Variants in FANCI observed in about 807,000 individuals in gnomAD.
FANCI encodes the protein Fanconi anemia group I protein.
In FANCI, 156 loss-of-function variants were observed where a neutral mutation model predicts 176.1. The ratio of observed to expected loss-of-function variants is 0.89; its 90% CI spans 0.78 to 1.01. FANCI has a LOEUF of 1.01. Ranked by LOEUF, FANCI falls within the 50% of genes least tolerant of loss-of-function variation. The pLI, the probability that FANCI is intolerant of heterozygous loss-of-function variation, is 0.00. For synonymous variants in FANCI, 613 were observed against 541.7 expected (o/e 1.13, Z -1.83); for missense variants, 1,678 against 1,534.1 (o/e 1.09, Z -1.57).
intron 23 of FANCI, 104 bp from the exon 24 acceptor site, chr15:89,294,811 G>C: frequency 1.6e-6 from 2 of 1,237,738 alleles, no homozygotes; most frequent in Middle Eastern, 5.2e-4. Flanking sequence ...GGCAAGCTCT[G>C]TTGGGTGCTG....
At position 89,247,560 on chromosome 15, in the gene FANCI, G is replaced by T. The variant is rs1403979056; in HGVS notation, c.-19-69G>T. On this transcript the variant is annotated intron_variant, in intron 1 of 37. Coordinates refer to ENST00000310775, the MANE Select transcript of FANCI (RefSeq NM_001113378.2). ...TAGGTATGAAATATTCAGTTAACAG[G>T]GAAGGAAAACAAATCAAGTTTGTTT... 48 of 1,091,696 alleles carry T rather than the reference G, an allele frequency of 4.4e-5. No individual in the cohort carries two copies. The East Asian group carries it at 1.1e-3, about 26-fold the overall frequency. The allele number at this position is 1,091,696 out of a possible 1,614,324, so 67.6% of individuals were successfully genotyped here.
intron 24 of FANCI, among the ~76,000 whole-genome samples, 165 bp downstream of exon 24, chr15:89,295,259 C>A (rs2054210127): frequency 6.6e-6 from 1 of 151,488 alleles, no homozygotes; most frequent in Non-Finnish European, 1.5e-5. Context: ...CCCAGCTACT[C>A]AGGAAGCTGA....
At chr15:89,270,091 G>C (rs1248620050) in intron 10 of FANCI, among the ~76,000 whole-genome samples, 1 of 152,100 alleles carries the variant, frequency 6.6e-6, no homozygotes, top group African/African-American at 2.4e-5. Context: ...GATTACAGGC[G>C]TGAGCCACTG....
intron 24 of FANCI, among the ~76,000 whole-genome samples, chr15:89,298,290 A>C (rs1025823693): frequency 3.3e-5 from 5 of 152,244 alleles, no homozygotes; most frequent in African/African-American, 1.2e-4. Context: ...AAAAAAAAGT[A>C]GAAATTCTCT....
At chr15:89,262,541 A>T (rs1167696519) in intron 6 of FANCI, among the ~76,000 whole-genome samples, 1 of 152,166 alleles carries the variant, frequency 6.6e-6, no homozygotes, top group African/African-American at 2.4e-5. Flanking sequence ...TTACTATGTT[A>T]TATAATACTG....
intron 2 of FANCI, among the ~76,000 whole-genome samples, chr15:89,250,999 A>G (rs1163191207): frequency 6.6e-6 from 1 of 152,070 alleles, no homozygotes; most frequent in Non-Finnish European, 1.5e-5. Context: ...TAAAGTAGAG[A>G]ACAGAAAAAT....
At chr15:89,280,114 C>G (rs145269483) in intron 14 of FANCI, among the ~76,000 whole-genome samples, 2 of 152,120 alleles carry the variant, frequency 1.3e-5, no homozygotes, top group Non-Finnish European at 2.9e-5. Flanking sequence ...CTCCGCCTCC[C>G]GGGTTCAAGC....
Position 89,317,103 on chromosome 15 carries a change from C to A in FANCI, c.*644C>A. 1.7e-6 allele frequency: 1 copy of A among 591,612 alleles called. No homozygotes were observed. The highest frequency in any genetic ancestry group is 3.0e-6 in the Non-Finnish European group (1 of 334,384). 36.6% of individuals were successfully genotyped at this position (591,612 alleles called of 1,614,324 possible). ...GTCACCTATAGAGTGCAAGAATGCA[C>A]TCTATAGAATAAATTATCTTTAAAC... is the stretch of plus-strand genomic sequence containing the variant. On this transcript the variant is annotated 3_prime_UTR_variant, in exon 38 of 38. Transcript: ENST00000310775.
At chr15:89,291,581 C>A in intron 19 of FANCI, 32 bp from the exon 20 acceptor site, 1 of 1,559,922 alleles carries the variant, frequency 6.4e-7, no homozygotes, top group Non-Finnish European at 8.8e-7. Context: ...CATTTATGAG[C>A]CAAGATGTCT....
chr15:89,276,897 A>T lies in FANCI; in HGVS notation c.1293+6A>T. 6.2e-7 allele frequency: 1 copy of T among 1,614,144 alleles called. No homozygotes were observed. Among genetic ancestry groups the T allele is most frequent in the Non-Finnish European group, 8.5e-7 (1 of 1,180,004 alleles). ...TCCTGTTGGAAACTTTTAAGGTGAG[A>T]CACTATTTTGGCAACCACTCCCTAA... On this transcript the variant is annotated splice_donor_region_variant and intron_variant, in intron 13 of 37. Transcript: ENST00000310775.
At chr15:89,298,097 A>G (rs948855707) in intron 24 of FANCI, among the ~76,000 whole-genome samples, 11 of 152,162 alleles carry the variant, frequency 7.2e-5, no homozygotes, top group African/African-American at 2.7e-4. Flanking sequence ...ACAAAAAAAA[A>G]CCAGTAGATA....
intron 10 of FANCI, among the ~76,000 whole-genome samples, chr15:89,269,121 A>G (rs903696519): frequency 6.6e-6 from 1 of 152,238 alleles, no homozygotes; most frequent in African/African-American, 2.4e-5. Flanking sequence ...AAGAACACCT[A>G]TGTTCCCTTC....
chr15:89,265,592 C>T (rs558549600), intron 9 of FANCI, among the ~76,000 whole-genome samples: 91 of 151,488 alleles, frequency 6.0e-4, no homozygotes, highest in Non-Finnish European at 1.1e-3. Flanking sequence ...GGTACGATCT[C>T]GGCTCAGTGC....
At chr15:89,298,816 T>C (rs971729774) in intron 24 of FANCI, among the ~76,000 whole-genome samples, 1 of 152,162 alleles carries the variant, frequency 6.6e-6, no homozygotes, top group Non-Finnish European at 1.5e-5. Context: ...TATTAACGAT[T>C]TTATGCCAGT....
intron 1 of FANCI, among the ~76,000 whole-genome samples, chr15:89,246,396 G>T (rs1334786819): frequency 6.6e-6 from 1 of 152,176 alleles, no homozygotes; most frequent in Non-Finnish European, 1.5e-5. Context: ...TTGCAATCTT[G>T]TGAGATTGTC....
intron 34 of FANCI, among the ~76,000 whole-genome samples, chr15:89,311,311 C>T (rs913969134): frequency 1.3e-5 from 2 of 151,956 alleles, no homozygotes; most frequent in South Asian, 2.1e-4. Flanking sequence ...CCCAGCTACT[C>T]GGGAAGCTGA....
chr15:89,258,037 A>G (rs1368256345), intron 2 of FANCI, among the ~76,000 whole-genome samples: 1 of 144,352 alleles, frequency 6.9e-6, no homozygotes, highest in Non-Finnish European at 1.5e-5. Context: ...ATCTTCTACT[A>G]CTCTTTTCTT....
At chr15:89,258,411 C>T (rs1051963792) in intron 2 of FANCI, among the ~76,000 whole-genome samples, 4 of 152,090 alleles carry the variant, frequency 2.6e-5, no homozygotes, top group Admixed American at 2.6e-4. Flanking sequence ...TTATAACATG[C>T]CTAAGGAAAA....
chr15:89,290,148 T>G, intron 18 of FANCI, 65 bp from the exon 19 acceptor site: 1 of 1,272,692 alleles, frequency 7.9e-7, no homozygotes, highest in South Asian at 1.2e-5. Context: ...ATTTTTAAGT[T>G]ATGATTGTCC....
Sources: gnomAD v4.1 joint callset for allele counts (sites outside exome capture counted in the v4.1 genomes callset) on GRCh38, gnomAD v4.1.1 for gene constraint, MANE v1.5 for transcripts, NCBI Gene and HGNC (gene_info 2026-07-23, HGNC 2026-07-21) for gene names.